DNAAF9: variants seen among roughly 807,000 people sequenced by gnomAD.
DNAAF9 encodes shulin.
A neutral mutation model predicts 167.0 loss-of-function variants in DNAAF9; 90 were observed. The ratio of observed to expected loss-of-function variants is 0.54; its 90% CI spans 0.45 to 0.64. DNAAF9 has a LOEUF of 0.64. DNAAF9 is among the 30% of genes least tolerant of loss of function. The probability of loss-of-function intolerance (pLI) is 0.00; values close to 1 mark genes in which losing one functional copy is unlikely to be tolerated. For missense variants in DNAAF9, 1,315 were observed against 1,442.2 expected, an observed-to-expected ratio of 0.91 and a Z score of 1.43; for synonymous variants, 491 against 508.8, an observed-to-expected ratio of 0.96 and a Z score of 0.47.
At chr20:3,293,650 A>C (rs534914476) in intron 25 of DNAAF9, among the ~76,000 whole-genome samples, 1 of 121,512 alleles carries the variant, frequency 8.2e-6, no homozygotes, top group African/African-American at 3.3e-5. Flanking sequence ...ACGCCAGTGC[A>C]CTCCAGCCTG....
intron 29 of DNAAF9, among the ~76,000 whole-genome samples, chr20:3,273,053 A>G (rs1354460324): frequency 1.3e-5 from 2 of 151,994 alleles, no homozygotes; most frequent in Non-Finnish European, 2.9e-5. Context: ...CTGGTCTCGA[A>G]CTCCTGACCT....
chr20:3,340,989 G>A (rs968157244), intron 9 of DNAAF9, among the ~76,000 whole-genome samples: 2 of 152,150 alleles, frequency 1.3e-5, no homozygotes, highest in African/African-American at 4.8e-5. Flanking sequence ...ATAGAAATAT[G>A]AGTCTTAAAG....
intron 6 of DNAAF9, among the ~76,000 whole-genome samples, chr20:3,365,495 G>A (rs963354817): frequency 1.3e-5 from 2 of 152,094 alleles, no homozygotes; most frequent in African/African-American, 4.8e-5. Context: ...GGGTTCAAGC[G>A]ATTCTCTTGC....
intron 17 of DNAAF9, among the ~76,000 whole-genome samples, chr20:3,317,385 C>G (rs1304882984): frequency 6.9e-6 from 1 of 145,776 alleles, no homozygotes; most frequent in African/African-American, 2.5e-5. Context: ...AAAAAAACCC[C>G]AAAACCAAGA....
At chr20:3,355,276 A>G (rs1263802067) in intron 7 of DNAAF9, among the ~76,000 whole-genome samples, 2 of 152,216 alleles carry the variant, frequency 1.3e-5, no homozygotes, top group Non-Finnish European at 2.9e-5. Context: ...TTCTTTAATT[A>G]TAAATGTTTA....
intron 7 of DNAAF9, among the ~76,000 whole-genome samples, chr20:3,350,140 G>GACACACACACACACAC (rs1491384105): frequency 1.2e-3 from 134 of 115,740 alleles, no homozygotes; most frequent in Non-Finnish European, 1.8e-3. Context: ...CAGACACACA[G>GACACACACACACACAC]ACACACAGAC....
Position 3,269,764 on chromosome 20 carries a change from C to T in DNAAF9, c.2786+663G>A, listed in dbSNP as rs530001162. On this transcript the variant is annotated intron_variant, in intron 30 of 36. Coordinates refer to ENST00000252032, the MANE Select transcript of DNAAF9 (RefSeq NM_001009984.3). ...GGTCAGGAGATTGAGACCATCCTGG[C>T]TAACATGGTGAAACCCCGTCTCTAC... Among the ~76,000 whole-genome samples the T allele has an allele frequency of 5.1e-4, 77 of 152,130 alleles. No homozygotes were observed. The South Asian group carries it at 0.015, about 30-fold the overall frequency.
intron 7 of DNAAF9, among the ~76,000 whole-genome samples, chr20:3,356,340 C>T (rs1216289494): frequency 1.3e-5 from 2 of 152,102 alleles, no homozygotes; most frequent in Admixed American, 6.6e-5. Context: ...TGGTTTAGAG[C>T]CCGGCCAGAT....
chr20:3,315,806 G>T lies in DNAAF9; in HGVS notation c.1540-21C>A. 1 of 1,602,916 alleles carries T rather than the reference G, an allele frequency of 6.2e-7. No individual in the cohort carries two copies. The highest frequency in any genetic ancestry group is 8.5e-7 in the Non-Finnish European group (1 of 1,169,792). ...TCCACCTGTGTCCAAAAGGAATGCA[G>T]ATTTTCAGTCAACTACTTCAAGGGA... On this transcript the variant is annotated intron_variant, in intron 18 of 36. Transcript: ENST00000252032. The surrounding 1 kb of genome is among the most constrained non-coding windows in gnomAD (Gnocchi z 4.1).
At chr20:3,261,933 G>A (rs1187543699) in intron 31 of DNAAF9, among the ~76,000 whole-genome samples, 1 of 151,962 alleles carries the variant, frequency 6.6e-6, no homozygotes, top group Non-Finnish European at 1.5e-5. Flanking sequence ...TGTTCTACCA[G>A]AAAATGTGGA....
intron 20 of DNAAF9, chr20:3,306,876 C>G (rs967057071): frequency 2.5e-5 from 25 of 983,746 alleles, no homozygotes; most frequent in Non-Finnish European, 1.1e-5. Context: ...CAAGATGACT[C>G]TACTTACTGT....
chr20:3,284,173 CTTT>C (rs200633758), intron 27 of DNAAF9, among the ~76,000 whole-genome samples: 13 of 118,258 alleles, frequency 1.1e-4, no homozygotes, highest in African/African-American at 3.6e-4. Flanking sequence ...TTACTAGAGT[CTTT>C]TTTTTTTTTT....
intron 1 of DNAAF9, among the ~76,000 whole-genome samples, chr20:3,403,142 G>T (rs1262700359): frequency 6.6e-6 from 1 of 151,798 alleles, no homozygotes; most frequent in Admixed American, 6.6e-5. Flanking sequence ...ACTTCCAATG[G>T]TGGTGTCCTC....
Position 3,389,756 on chromosome 20 carries a change from C to T in DNAAF9, c.84-7250G>A, listed in dbSNP as rs576478779. ...ATTTTTTTTAGAAAAGAAAAACAGG[C>T]CAGGCATGGTGGCTCATGCCTGTAA... On this transcript the variant is annotated intron_variant, in intron 1 of 36. Transcript: ENST00000252032. Among the ~76,000 whole-genome samples, 8 of 152,158 alleles carry T rather than the reference C, an allele frequency of 5.3e-5. No homozygotes were observed. The East Asian group carries it at 1.4e-3, about 26-fold the overall frequency.
At chr20:3,404,730 A>C (rs2084033140) in intron 1 of DNAAF9, among the ~76,000 whole-genome samples, 1 of 152,214 alleles carries the variant, frequency 6.6e-6, no homozygotes, top group Non-Finnish European at 1.5e-5. Flanking sequence ...TATATAAATA[A>C]ACAGTGAAAT....
In DNAAF9 at chr20:3,359,500, C is replaced by A; in HGVS notation, c.690+16G>T. 6 of 1,553,816 alleles carry A rather than the reference C, an allele frequency of 3.9e-6. No individual in the cohort carries two copies. The highest frequency in any genetic ancestry group is 5.3e-6 in the Non-Finnish European group (6 of 1,129,570). ...ACGTAATACTAATATTTAAAAGTTA[C>A]TGTTTGGCTCCTTACATCTGAAAGC... is the stretch of plus-strand genomic sequence containing the variant. On this transcript the variant is annotated intron_variant, in intron 7 of 36. Coordinates refer to ENST00000252032, the MANE Select transcript of DNAAF9 (RefSeq NM_001009984.3).
chr20:3,253,157 CTA>C (rs1289629478), intron 36 of DNAAF9, among the ~76,000 whole-genome samples: 1 of 152,024 alleles, frequency 6.6e-6, no homozygotes. Context: ...GACCTAGTCT[CTA>C]AGCTGGGCGC....
rs2122921892 is a variant in DNAAF9, at chr20:3,292,405, T to C, written c.2238+1734A>G. Among the ~76,000 whole-genome samples, 3 of 152,368 alleles carry C rather than the reference T, an allele frequency of 2.0e-5. No individual in the cohort carries two copies. The East Asian group carries it at 5.8e-4, about 29-fold the overall frequency. ...CGTTTCTCATTGCTTAGTGCTTTTA[T>C]TTCCTTTTGCAGCTGAGTATCTTCT... On this transcript the variant is annotated intron_variant, in intron 25 of 36. Coordinates refer to ENST00000252032, the MANE Select transcript of DNAAF9 (RefSeq NM_001009984.3).
chr20:3,256,972 G>A (rs1444757202), intron 33 of DNAAF9, among the ~76,000 whole-genome samples: 1 of 152,060 alleles, frequency 6.6e-6, no homozygotes, highest in African/African-American at 2.4e-5. Flanking sequence ...CTGCACTCCA[G>A]CCTGGGCAAC....
Sources: gnomAD v4.1 joint callset for allele counts (sites outside exome capture counted in the v4.1 genomes callset) on GRCh38, gnomAD v4.1.1 for gene constraint, Gnocchi (gnomAD v3.1) non-coding constraint, MANE v1.5 for transcripts, NCBI Gene and HGNC (gene_info 2026-07-23, HGNC 2026-07-21) for gene names.